Variants in AGBL1 observed in about 807,000 individuals in gnomAD.
AGBL1 encodes cytosolic carboxypeptidase 4.
A neutral mutation model predicts 118.9 loss-of-function variants in AGBL1; 130 were observed. The ratio of observed to expected loss-of-function variants is 1.09; its 90% CI spans 0.95 to 1.26. The LOEUF is 1.26. Among genes scored for constraint, AGBL1 ranks in the 50% most tolerant of loss-of-function variants. AGBL1 has a pLI of 0.00. For missense variants in AGBL1, 1,584 were observed against 1,298.1 expected, an observed-to-expected ratio of 1.22 and a Z score of -3.38; for synonymous variants, 555 against 478.9, an observed-to-expected ratio of 1.16 and a Z score of -2.08.
At chr15:86,595,040 T>A (rs1276810688) in intron 21 of AGBL1, among the ~76,000 whole-genome samples, 10 of 152,174 alleles carry the variant, frequency 6.6e-5, no homozygotes, top group Non-Finnish European at 1.0e-4. Flanking sequence ...ACACCACCTT[T>A]TCTTGAGTTT....
chr15:86,977,083 CTG>C (rs200452583), intron 23 of AGBL1, among the ~76,000 whole-genome samples: 3 of 151,800 alleles, frequency 2.0e-5, no homozygotes, highest in Admixed American at 6.6e-5. Context: ...ATTTTATGCT[CTG>C]TGTGTGTGTG....
intron 22 of AGBL1, among the ~76,000 whole-genome samples, chr15:86,759,295 A>G (rs2077988872): frequency 6.6e-6 from 1 of 152,142 alleles, no homozygotes; most frequent in African/African-American, 2.4e-5. Flanking sequence ...TCCGAGTTCT[A>G]GCATGAGACT....
At chr15:86,104,795 G>A (rs1896940021) in intron 1 of AGBL1, among the ~76,000 whole-genome samples, 1 of 152,190 alleles carries the variant, frequency 6.6e-6, no homozygotes, top group African/African-American at 2.4e-5. Flanking sequence ...GACTTGTGGG[G>A]GTGGTTGTGG....
chr15:86,988,312 T>C (rs2081304383), intron 24 of AGBL1: 1 of 479,360 alleles, frequency 2.1e-6, no homozygotes, highest in Non-Finnish European at 3.7e-6. Flanking sequence ...CTGGTTGTTC[T>C]GTATGCATAG....
At chr15:86,337,043 A>G (rs2141874203) in intron 17 of AGBL1, among the ~76,000 whole-genome samples, 1 of 152,354 alleles carries the variant, frequency 6.6e-6, no homozygotes, top group African/African-American at 2.4e-5. Flanking sequence ...GGGGACAAGA[A>G]TTAGCATCAC....
At chr15:86,231,563 C>T (rs1055365654) in intron 6 of AGBL1, among the ~76,000 whole-genome samples, 7 of 152,224 alleles carry the variant, frequency 4.6e-5, no homozygotes. Context: ...ATATCCATCA[C>T]GCTGTTGGTT....
At chr15:86,397,903 C>CATTTAACA (rs2081392131) in intron 18 of AGBL1, among the ~76,000 whole-genome samples, 1 of 152,110 alleles carries the variant, frequency 6.6e-6, no homozygotes. Flanking sequence ...TAACATTTTT[C>CATTTAACA]TTTTAAAAAG....
intron 18 of AGBL1, among the ~76,000 whole-genome samples, chr15:86,462,438 A>T (rs1174809036): frequency 3.3e-5 from 5 of 151,652 alleles, no homozygotes; most frequent in African/African-American, 7.3e-5. Context: ...CTTTTTTTTA[A>T]AAAAAAACAC....
intron 23 of AGBL1, among the ~76,000 whole-genome samples, chr15:86,975,885 A>C (rs1053469035): frequency 1.8e-4 from 27 of 151,356 alleles, no homozygotes; most frequent in Non-Finnish European, 3.7e-4. Context: ...TTTCTGCATG[A>C]TTGTTTGGCC....
At chr15:86,537,142 G>T (rs2083437519) in intron 19 of AGBL1, among the ~76,000 whole-genome samples, 1 of 152,152 alleles carries the variant, frequency 6.6e-6, no homozygotes, top group Admixed American at 6.5e-5. Flanking sequence ...TCTTTACAGG[G>T]ACTGAGTAGG....
chr15:86,623,046 G>A (rs997971459), intron 21 of AGBL1, among the ~76,000 whole-genome samples: 15 of 152,126 alleles, frequency 9.9e-5, no homozygotes, highest in East Asian at 1.9e-4. Flanking sequence ...CTGATCTGAC[G>A]GGAGATAGTG....
At chr15:86,778,603 T>C in intron 22 of AGBL1, among the ~76,000 whole-genome samples, 1 of 152,232 alleles carries the variant, frequency 6.6e-6, no homozygotes. Context: ...TATGGCTCTG[T>C]TCCACCTGGC....
intron 1 of AGBL1, among the ~76,000 whole-genome samples, chr15:86,110,826 G>T (rs1179995881): frequency 1.3e-5 from 2 of 152,200 alleles, no homozygotes; most frequent in Non-Finnish European, 2.9e-5. Flanking sequence ...GGCAGATGGG[G>T]AAGAGCCAGA....
intron 21 of AGBL1, among the ~76,000 whole-genome samples, chr15:86,559,220 T>C (rs1282936732): frequency 2.0e-5 from 3 of 152,176 alleles, no homozygotes; most frequent in Non-Finnish European, 2.9e-5. Context: ...TAATTAATTA[T>C]ATCTGTAGTG....
intron 24 of AGBL1, among the ~76,000 whole-genome samples, chr15:87,021,128 G>A (rs867434379): frequency 3.9e-5 from 6 of 152,060 alleles, no homozygotes; most frequent in Non-Finnish European, 8.8e-5. Context: ...AACCAAAACA[G>A]CATGGTACTG....
intron 22 of AGBL1, among the ~76,000 whole-genome samples, chr15:86,695,752 G>A (rs887939427): frequency 6.6e-6 from 1 of 151,834 alleles, no homozygotes; most frequent in African/African-American, 2.4e-5. Context: ...GTTCCTCTTA[G>A]CACCATCTTT....
chr15:86,944,130 G>T (rs530888405), intron 23 of AGBL1, among the ~76,000 whole-genome samples: 2 of 152,216 alleles, frequency 1.3e-5, no homozygotes, highest in African/African-American at 4.8e-5. Flanking sequence ...CAGCACTTTG[G>T]GAGGCTGAGG....
At chr15:86,682,360 G>A (rs973275973) in intron 22 of AGBL1, among the ~76,000 whole-genome samples, 2 of 152,112 alleles carry the variant, frequency 1.3e-5, no homozygotes, top group Non-Finnish European at 2.9e-5. Flanking sequence ...TGTTTCATTA[G>A]CTGTTAAAAG....
intron 22 of AGBL1, among the ~76,000 whole-genome samples, chr15:86,783,655 A>G (rs1343608023): frequency 1.3e-5 from 2 of 152,108 alleles, no homozygotes; most frequent in African/African-American, 4.8e-5. Flanking sequence ...TTTGAGACAG[A>G]GTCTCACTCC....
Sources: allele counts gnomAD v4.1 joint callset (sites outside exome capture counted in the v4.1 genomes callset), GRCh38; gene constraint gnomAD v4.1.1; transcripts MANE v1.5; gene names NCBI Gene and HGNC (gene_info 2026-07-23, HGNC 2026-07-21).